MDM2: variants seen among roughly 807,000 people sequenced by gnomAD.
MDM2 encodes the protein MDM2 proto-oncogene, also known as E3 ubiquitin-protein ligase Mdm2.
In MDM2, 11 loss-of-function variants were observed where a neutral mutation model predicts 64.3. That is an observed-to-expected ratio of 0.17 (90% CI 0.11 to 0.28). MDM2 has a LOEUF of 0.28. MDM2 is among the 10% of genes least tolerant of loss of function. MDM2 has a pLI of 1.00. For synonymous variants in MDM2, 194 were observed against 192.9 expected (o/e 1.01, Z -0.05); for missense variants, 388 against 577.1 (o/e 0.67, Z 3.36).
rs566655723 is a variant in MDM2 at position 68,822,656 on chromosome 12, C to T, written c.359-1707C>T. Among the ~76,000 whole-genome samples the T allele has an allele frequency of 5.9e-5, 9 of 152,000 alleles. No individual in the cohort carries two copies. The South Asian group carries it at 1.9e-3, about 32-fold the overall frequency. On this transcript the variant is annotated intron_variant, in intron 5 of 10. Coordinates refer to ENST00000258149, the MANE Select transcript of MDM2 (RefSeq NM_002392.6). ...AAAAATTGTATTATTGAGATGGAAA[C>T]TTACAAATTACTTATTTGCAGTCTG...
At chr12:68,822,485 CTGT>C (rs1881941587) in intron 5 of MDM2, among the ~76,000 whole-genome samples, 1 of 150,826 alleles carries the variant, frequency 6.6e-6, no homozygotes, top group African/African-American at 2.4e-5. Context: ...ATATGTATAC[CTGT>C]TGTTTTAAAG....
At chr12:68,818,812 C>T (rs910593612) in intron 4 of MDM2, among the ~76,000 whole-genome samples, 2 of 151,042 alleles carry the variant, frequency 1.3e-5, no homozygotes, top group African/African-American at 4.9e-5. Context: ...CAGGCTGCAA[C>T]CTCTGCCTCC....
chr12:68,819,751 G>A (rs150753011), intron 4 of MDM2, among the ~76,000 whole-genome samples: 65 of 152,314 alleles, frequency 4.3e-4, no homozygotes, highest in Admixed American at 1.3e-3. Context: ...TCGGCCTTCC[G>A]AAGTGCTGGG....
Position 68,816,798 on chromosome 12 carries a change from T to C in MDM2, c.175-14T>C. ...AGTTTTCTTTAATGCTCAGAAATCA[T>C]ATTTGTATTTCAGGTTCTTTTTTAT... On this transcript the variant is annotated splice_polypyrimidine_tract_variant and intron_variant, in intron 3 of 10. Transcript: ENST00000258149. 1 of 1,565,728 alleles carries C rather than the reference T, an allele frequency of 6.4e-7. No individual in the cohort carries two copies. Among genetic ancestry groups the C allele is most frequent in the East Asian group, 2.3e-5 (1 of 43,784 alleles).
rs1466860699 is a variant in MDM2 at position 68,844,762 on chromosome 12, T to C, written c.*4913T>C. 2.4e-5 allele frequency: 5 copies of C among 206,508 alleles called. No homozygotes were observed. The highest frequency in any genetic ancestry group is 4.9e-5 in the Non-Finnish European group (5 of 101,140). 12.8% of individuals were successfully genotyped at this position (206,508 alleles called of 1,614,324 possible). Reference sequence around the variant, plus strand: ...TTTTTTAAATCCTTAATAAGGGTTTTATTTTATTTTTATTTATTTTTTGAG... The same window carrying C: ...TTTTTTAAATCCTTAATAAGGGTTTCATTTTATTTTTATTTATTTTTTGAG... On this transcript the variant is annotated 3_prime_UTR_variant, in exon 11 of 11. Transcript: ENST00000258149.
At chr12:68,832,831 A>T (rs867457747) in intron 8 of MDM2, among the ~76,000 whole-genome samples, 1 of 151,822 alleles carries the variant, frequency 6.6e-6, no homozygotes, top group African/African-American at 2.4e-5. Flanking sequence ...TGCTTTTTAA[A>T]TATATAGTAT....
At position 68,836,719 on chromosome 12, in the gene MDM2, A is replaced by C. The variant is rs1883336964; in HGVS notation, c.888A>C (p.Ser296=). The change falls in exon 10 of 11, where the codon TCA becomes TCC. Residue 296 remains serine, a synonymous_variant. Transcript: ENST00000258149. ...VYQAGESDTD[S]FEEDPEISLA... ...AGGCAGGGGAGAGTGATACAGATTC[A>C]TTTGAAGAAGATCCTGAAATTTCCT... is the stretch of plus-strand genomic sequence containing the variant. 1.9e-6 allele frequency: 3 copies of C among 1,612,196 alleles called. No homozygotes were observed. Among genetic ancestry groups the C allele is most frequent in the Non-Finnish European group, 2.5e-6 (3 of 1,178,680 alleles).
intron 8 of MDM2, among the ~76,000 whole-genome samples, chr12:68,830,733 C>G (rs1266050910): frequency 1.3e-5 from 2 of 152,140 alleles, no homozygotes; most frequent in Admixed American, 6.5e-5. Flanking sequence ...GATTGAGTCT[C>G]TCTGTCTCCC....
rs976127208 is a variant in MDM2, at chr12:68,843,634, G to T, written c.*3785G>T. 4.4e-6 allele frequency: 1 copy of T among 225,284 alleles called. No homozygotes were observed. Among genetic ancestry groups the T allele is most frequent in the African/African-American group, 2.2e-5 (1 of 44,784 alleles). 14.0% of individuals were successfully genotyped at this position (225,284 alleles called of 1,614,324 possible). On this transcript the variant is annotated 3_prime_UTR_variant, in exon 11 of 11. Transcript: ENST00000258149. The stretch of plus-strand genomic sequence containing the variant: ...GACAATAAAATCAACTGAACTGTAA[G>T]CTTAGAATAGGACTGAGGTAATTCT...
Position 68,820,374 on chromosome 12 carries a change from G to A in MDM2, c.358G>A (p.Glu120Lys), listed in dbSNP as rs2136129072. The A allele has an allele frequency of 1.2e-6, 2 of 1,602,196 alleles. No individual in the cohort carries two copies. The highest frequency in any genetic ancestry group is 1.7e-6 in the Non-Finnish European group (2 of 1,174,732). The change falls in exon 5 of 11, where the codon GAA (glutamate) becomes AAA (lysine). Residue 120 changes from glutamate to lysine, a missense_variant and splice_region_variant. By Grantham distance (56) the Glu-to-Lys change is moderately conservative. Transcript: ENST00000258149. Reference sequence around the variant, plus strand: ...GAACTTGGTAGTAGTCAATCAGCAGGGTAAGTTAATTTTGAGCATCATGGA... The same window carrying A: ...GAACTTGGTAGTAGTCAATCAGCAGAGTAAGTTAATTTTGAGCATCATGGA... ...YRNLVVVNQQ[E>K]SSDSGTSVSE...
chr12:68,825,702 GTTAGTAGAC>G (rs1452968440), intron 7 of MDM2, among the ~76,000 whole-genome samples: 54 of 152,336 alleles, frequency 3.5e-4, no homozygotes, highest in African/African-American at 1.3e-3. Context: ...GTTGAGAACA[GTTAGTAGAC>G]GTAGTAGACG....
chr12:68,833,211 T>A (rs1311704280), intron 8 of MDM2, among the ~76,000 whole-genome samples: 3 of 117,882 alleles, frequency 2.5e-5, no homozygotes, highest in African/African-American at 9.8e-5. Context: ...TAATTATAAA[T>A]CTATTATATA....
chr12:68,817,799 TTTTG>T (rs1300811049), intron 4 of MDM2, among the ~76,000 whole-genome samples: 2 of 151,968 alleles, frequency 1.3e-5, no homozygotes, highest in African/African-American at 4.8e-5. Context: ...TTATTCTTTT[TTTTG>T]TTTGTTTGTT....
At chr12:68,812,585 A>G (rs1414158767) in intron 2 of MDM2, among the ~76,000 whole-genome samples, 1 of 152,222 alleles carries the variant, frequency 6.6e-6, no homozygotes, top group Admixed American at 6.5e-5. Context: ...CTGTCAGCCA[A>G]CTTTGGCCTG....
intron 2 of MDM2, among the ~76,000 whole-genome samples, chr12:68,812,848 T>G (rs1396787753): frequency 1.3e-5 from 2 of 152,172 alleles, no homozygotes; most frequent in Non-Finnish European, 2.9e-5. Flanking sequence ...ACCATTTGTA[T>G]GAAAAGCTTA....
At chr12:68,833,116 A>C (rs1592594393) in intron 8 of MDM2, among the ~76,000 whole-genome samples, 3 of 100,000 alleles carry the variant, frequency 3.0e-5, no homozygotes, top group South Asian at 3.5e-4. Flanking sequence ...ACAGAGCGAG[A>C]CTCTGTCTCC....
Position 68,808,224 on chromosome 12 carries a change from G to C in MDM2, c.-254G>C, listed in dbSNP as rs1368111147. 2.4e-5 allele frequency: 14 copies of C among 572,376 alleles called. No individual in the cohort carries two copies. In the East Asian group the frequency reaches 4.4e-4, roughly 18 times the overall value. 35.5% of individuals were successfully genotyped at this position (572,376 alleles called of 1,614,324 possible). The stretch of plus-strand genomic sequence containing the variant: ...GCGAGCTTGGCTGCTTCTGGGGCCT[G>C]TGTGGCCCTGTGTGTCGGAAAGATG... On this transcript the variant is annotated 5_prime_UTR_variant, in exon 1 of 11. Coordinates refer to ENST00000258149, the MANE Select transcript of MDM2 (RefSeq NM_002392.6).
At position 68,844,749 on chromosome 12, in the gene MDM2, TTAA is replaced by T. The variant is rs1184746235; in HGVS notation, c.*4904_*4906del. On this transcript the variant is annotated 3_prime_UTR_variant, in exon 11 of 11. Coordinates refer to ENST00000258149, the MANE Select transcript of MDM2 (RefSeq NM_002392.6). ...TATATAATTAAGATTTTTTAAATCC[TTAA>T]TAAGGGTTTTATTTTATTTTTATTT... is the stretch of plus-strand genomic sequence containing the variant. 1 of 208,866 alleles carries T rather than the reference TTAA, an allele frequency of 4.8e-6. No individual in the cohort carries two copies. The highest frequency in any genetic ancestry group is 2.3e-5 in the African/African-American group (1 of 43,910). The allele number at this position is 208,866 out of a possible 1,614,324, so 12.9% of individuals were successfully genotyped here. A position where few individuals can be genotyped will look rare whatever the true frequency, so the allele number is the denominator to read the frequency against.
chr12:68,833,263 A>AT (rs1882982560), intron 8 of MDM2, among the ~76,000 whole-genome samples: 1 of 121,374 alleles, frequency 8.2e-6, no homozygotes, highest in Admixed American at 8.8e-5. Context: ...ATATTTATAT[A>AT]ATTATATATT....
Sources: gnomAD v4.1 joint callset for allele counts (sites outside exome capture counted in the v4.1 genomes callset) on GRCh38, gnomAD v4.1.1 for gene constraint, MANE v1.5 for transcripts, NCBI Gene and HGNC (gene_info 2026-07-23, HGNC 2026-07-21) for gene names.